MTHFD1L: variants seen among roughly 807,000 people sequenced by gnomAD.
MTHFD1L encodes methylenetetrahydrofolate dehydrogenase (NADP+ dependent) 1 like, also known as monofunctional C1-tetrahydrofolate synthase, mitochondrial.
In MTHFD1L, 81 loss-of-function variants were observed where a neutral mutation model predicts 119.5. The observed-to-expected ratio is 0.68, with a 90% confidence interval of 0.57 to 0.82. MTHFD1L has a LOEUF of 0.82. MTHFD1L is among the 40% of genes least tolerant of loss of function. The pLI, the probability that MTHFD1L is intolerant of heterozygous loss-of-function variation, is 0.00. For missense variants in MTHFD1L, 1,125 were observed against 1,253.4 expected (o/e 0.90, Z 1.55); for synonymous variants, 430 against 475.2 (o/e 0.90, Z 1.24).
chr6:150,893,957 A>T (rs1783781554), intron 7 of MTHFD1L, among the ~76,000 whole-genome samples: 1 of 152,144 alleles, frequency 6.6e-6, no homozygotes, highest in South Asian at 2.1e-4. Flanking sequence ...TTAAATGCTA[A>T]TGTGGGCCGG....
At chr6:151,051,270 T>C (rs374572457) in intron 26 of MTHFD1L, among the ~76,000 whole-genome samples, 1 of 152,122 alleles carries the variant, frequency 6.6e-6, no homozygotes, top group East Asian at 1.9e-4. Flanking sequence ...ACCCACCAGA[T>C]TGGATCGTGG....
chr6:151,011,797 T>C (rs1273941235), intron 21 of MTHFD1L, among the ~76,000 whole-genome samples: 1 of 151,840 alleles, frequency 6.6e-6, no homozygotes, highest in East Asian at 1.9e-4. Flanking sequence ...GCGTGGTGGC[T>C]CATGCCTGTA....
chr6:151,033,121 CTT>C (rs1219393561), intron 24 of MTHFD1L, among the ~76,000 whole-genome samples: 26 of 141,556 alleles, frequency 1.8e-4, no homozygotes, highest in Admixed American at 3.5e-4. Flanking sequence ...CATATGCTTT[CTT>C]TTTTTTTTTT....
chr6:150,962,914 C>CTTTTTTTTT (rs4035893), intron 18 of MTHFD1L, among the ~76,000 whole-genome samples: 5 of 114,144 alleles, frequency 4.4e-5, no homozygotes, highest in South Asian at 2.9e-4. Context: ...CTTTTCTTTT[C>CTTTTTTTTT]TTTTTTTTTT....
intron 21 of MTHFD1L, 144 bp downstream of exon 21, chr6:151,010,102 C>T (rs1417922747): frequency 2.0e-6 from 2 of 976,162 alleles, no homozygotes; most frequent in African/African-American, 1.7e-5. Context: ...TGTAGACCTC[C>T]CTCGTGGACA....
At chr6:150,897,216 G>A (rs1177039643) in intron 7 of MTHFD1L, among the ~76,000 whole-genome samples, 1 of 152,144 alleles carries the variant, frequency 6.6e-6, no homozygotes, top group Admixed American at 6.5e-5. Context: ...AAGAAATGAT[G>A]TATTGTCGTT....
intron 26 of MTHFD1L, among the ~76,000 whole-genome samples, chr6:151,050,260 T>G (rs1788811366): frequency 6.6e-6 from 1 of 152,196 alleles, no homozygotes; most frequent in Non-Finnish European, 1.5e-5. Flanking sequence ...CCTCCTGGGT[T>G]CAAGCGACTC....
chr6:150,919,365 A>G (rs1788525092), intron 9 of MTHFD1L, among the ~76,000 whole-genome samples: 1 of 151,892 alleles, frequency 6.6e-6, no homozygotes, highest in South Asian at 2.1e-4. Flanking sequence ...CCGGGACTGC[A>G]GGCACACACC....
rs1239581372 is a variant in MTHFD1L, at chr6:150,876,177, A to G, written c.312+3A>G. 6 of 1,581,422 alleles carry G rather than the reference A, an allele frequency of 3.8e-6. No homozygotes were observed. Among genetic ancestry groups the G allele is most frequent in the Non-Finnish European group, 5.2e-6 (6 of 1,163,984 alleles). On this transcript the variant is annotated splice_donor_region_variant and intron_variant, in intron 2 of 27. Coordinates refer to ENST00000367321, the MANE Select transcript of MTHFD1L (RefSeq NM_015440.5). ...AGCCGGTTCTTGCAATTATCCAGGT[A>G]AGCCGAGAACAAGGTTCAGTCCTAC... is the stretch of plus-strand genomic sequence containing the variant.
chr6:150,998,712 C>T (rs1780163221), intron 20 of MTHFD1L, among the ~76,000 whole-genome samples: 1 of 149,526 alleles, frequency 6.7e-6, no homozygotes, highest in African/African-American at 2.5e-5. Flanking sequence ...CACAGTGGCT[C>T]ACACCTGTAA....
intron 7 of MTHFD1L, among the ~76,000 whole-genome samples, chr6:150,888,185 TCAAA>T (rs1446993398): frequency 6.6e-6 from 1 of 152,162 alleles, no homozygotes. Flanking sequence ...ATGAGCTCTA[TCAAA>T]CAAAGAACAG....
chr6:150,936,377 T>A (rs931923838), intron 11 of MTHFD1L, among the ~76,000 whole-genome samples: 1 of 152,166 alleles, frequency 6.6e-6, no homozygotes, highest in African/African-American at 2.4e-5. Context: ...AGTGCCCTAC[T>A]CACCCAAGGA....
chr6:150,966,343 A>G (rs1354704037), intron 19 of MTHFD1L, among the ~76,000 whole-genome samples: 2 of 152,138 alleles, frequency 1.3e-5, no homozygotes, highest in Non-Finnish European at 2.9e-5. Context: ...AGGAAGTGCT[A>G]CACACTTTTA....
At chr6:151,051,333 A>G (rs1171873516) in intron 26 of MTHFD1L, among the ~76,000 whole-genome samples, 1 of 152,146 alleles carries the variant, frequency 6.6e-6, no homozygotes, top group Non-Finnish European at 1.5e-5. Context: ...CCGCCCATGC[A>G]CTGCCATTCT....
intron 11 of MTHFD1L, among the ~76,000 whole-genome samples, chr6:150,932,546 C>T (rs908379778): frequency 6.6e-6 from 1 of 151,800 alleles, no homozygotes; most frequent in Admixed American, 6.6e-5. Flanking sequence ...CTGAGGTGGG[C>T]GGATCACAAG....
intron 15 of MTHFD1L, among the ~76,000 whole-genome samples, chr6:150,946,202 T>G (rs1793911462): frequency 6.6e-6 from 1 of 152,170 alleles, no homozygotes; most frequent in African/African-American, 2.4e-5. Flanking sequence ...CAGGCTGGAG[T>G]GCAGTGGCAT....
intron 17 of MTHFD1L, chr6:150,959,034 C>A: frequency 4.8e-6 from 1 of 207,930 alleles, no homozygotes; most frequent in Non-Finnish European, 8.4e-6. Flanking sequence ...TTCTCATATG[C>A]ACTGTTTATA....
intron 8 of MTHFD1L, among the ~76,000 whole-genome samples, chr6:150,908,936 CT>C (rs1454759383): frequency 7.2e-5 from 11 of 151,956 alleles, no homozygotes; most frequent in African/African-American, 2.4e-4. Flanking sequence ...ATGAGAAGAA[CT>C]TTTAATAAAC....
At chr6:151,062,828 C>CATAT (rs34593749) in intron 26 of MTHFD1L, among the ~76,000 whole-genome samples, 1 of 149,720 alleles carries the variant, frequency 6.7e-6, no homozygotes, top group African/African-American at 2.5e-5. Context: ...ACAAGACAGC[C>CATAT]ATATATATAT....
Sources: gnomAD v4.1 joint callset for allele counts (sites outside exome capture counted in the v4.1 genomes callset) on GRCh38, gnomAD v4.1.1 for gene constraint, MANE v1.5 for transcripts, NCBI Gene and HGNC (gene_info 2026-07-23, HGNC 2026-07-21) for gene names.